The following NAALADL2 variants were observed in gnomAD, a reference collection of about 807,000 sequenced individuals.
The protein encoded by NAALADL2 is inactive N-acetylated-alpha-linked acidic dipeptidase-like protein 2.
In NAALADL2, 76 loss-of-function variants were observed where a neutral mutation model predicts 87.2. The observed-to-expected ratio is 0.87, with a 90% CI of 0.72 to 1.05. The LOEUF is 1.05. Among genes scored for constraint, NAALADL2 ranks in the 50% least tolerant of loss-of-function variants. The pLI is 0.00. For missense variants in NAALADL2, 1,089 were observed against 945.8 expected (o/e 1.15, Z -1.99); for synonymous variants, 354 against 331.0 (o/e 1.07, Z -0.75).
At chr3:175,575,669 T>G (rs778368315) in intron 9 of NAALADL2, among the ~76,000 whole-genome samples, 10 of 152,124 alleles carry the variant, frequency 6.6e-5, no homozygotes, top group Admixed American at 2.0e-4. Context: ...AAACCTTAAT[T>G]AAAAAAACAA....
At chr3:174,821,018 T>C (rs1410978460) in intron 3 of NAALADL2, among the ~76,000 whole-genome samples, 1 of 152,180 alleles carries the variant, frequency 6.6e-6, no homozygotes, top group Non-Finnish European at 1.5e-5. Flanking sequence ...CTTCCCCAGG[T>C]CAACATTCTC....
At chr3:175,108,746 A>G (rs919078852) in intron 2 of NAALADL2, among the ~76,000 whole-genome samples, 2 of 151,994 alleles carry the variant, frequency 1.3e-5, no homozygotes, top group Non-Finnish European at 2.9e-5. Context: ...GGCTTATCTG[A>G]AAGGTATATT....
At chr3:175,405,888 T>C (rs1215710518) in intron 5 of NAALADL2, among the ~76,000 whole-genome samples, 3 of 152,240 alleles carry the variant, frequency 2.0e-5, no homozygotes, top group African/African-American at 7.2e-5. Flanking sequence ...TTTCATTTTT[T>C]ATTCTTGATT....
chr3:174,964,386 A>G (rs1055950102), intron 1 of NAALADL2, among the ~76,000 whole-genome samples: 9 of 152,100 alleles, frequency 5.9e-5, no homozygotes, highest in African/African-American at 2.2e-4. Context: ...ACTAGAGCCT[A>G]TGGGAGAGAT....
chr3:175,384,415 A>G (rs1397748513), intron 5 of NAALADL2, among the ~76,000 whole-genome samples: 1 of 152,048 alleles, frequency 6.6e-6, no homozygotes, highest in Non-Finnish European at 1.5e-5. Context: ...CAATTTGGAA[A>G]GATGCTTTAT....
At chr3:174,535,572 T>A (rs1485137402) in intron 1 of NAALADL2, among the ~76,000 whole-genome samples, 1 of 152,180 alleles carries the variant, frequency 6.6e-6, no homozygotes, top group African/African-American at 2.4e-5. Flanking sequence ...AGGTGATTTA[T>A]TCCTGCCCCA....
At chr3:174,751,882 G>A (rs1017898678) in intron 3 of NAALADL2, among the ~76,000 whole-genome samples, 3 of 152,122 alleles carry the variant, frequency 2.0e-5, no homozygotes, top group Non-Finnish European at 4.4e-5. Context: ...GTGTGCGCGT[G>A]CGCAATTTTA....
chr3:175,205,848 G>T (rs1438148421), intron 2 of NAALADL2, among the ~76,000 whole-genome samples: 1 of 151,680 alleles, frequency 6.6e-6, no homozygotes, highest in Non-Finnish European at 1.5e-5. Context: ...ATGAAAAAAT[G>T]CCCAACATCA....
At chr3:175,085,612 C>T (rs1362376891) in intron 1 of NAALADL2, among the ~76,000 whole-genome samples, 1 of 151,970 alleles carries the variant, frequency 6.6e-6, no homozygotes, top group African/African-American at 2.4e-5. Context: ...ATTTTGGTTC[C>T]TAAGACATGT....
intron 11 of NAALADL2, among the ~76,000 whole-genome samples, chr3:175,667,338 T>C (rs1733331169): frequency 6.6e-6 from 1 of 152,124 alleles, no homozygotes; most frequent in Non-Finnish European, 1.5e-5. Flanking sequence ...AACCTCAAAA[T>C]TGACCTCAGC....
At position 175,062,856 on chromosome 3, in the gene NAALADL2, G is replaced by T. The variant is rs1419151162; in HGVS notation, c.44-33934G>T. ...CTCTTTTCAAGAGAAAGATGAAAGT[G>T]CTCATAGGCTGCAAGGGAAATCATA... On this transcript the variant is annotated intron_variant, in intron 1 of 13. Coordinates refer to ENST00000454872, the MANE Select transcript of NAALADL2 (RefSeq NM_207015.3). Among the ~76,000 whole-genome samples the T allele has an allele frequency of 5.3e-5, 8 of 152,180 alleles. No homozygotes were observed. The South Asian group carries it at 1.5e-3, about 28-fold the overall frequency.
At chr3:175,240,887 C>T (rs1746747020) in intron 3 of NAALADL2, among the ~76,000 whole-genome samples, 1 of 152,068 alleles carries the variant, frequency 6.6e-6, no homozygotes, top group African/African-American at 2.4e-5. Context: ...ACTGGAACTC[C>T]CGACCTCAGG....
chr3:174,798,788 A>T (rs955739661), intron 3 of NAALADL2, among the ~76,000 whole-genome samples: 1 of 152,012 alleles, frequency 6.6e-6, no homozygotes, highest in Non-Finnish European at 1.5e-5. Flanking sequence ...TACCTTGCTG[A>T]ATTCATTTAT....
chr3:174,584,243 C>T (rs982021003), intron 2 of NAALADL2, among the ~76,000 whole-genome samples: 1 of 152,110 alleles, frequency 6.6e-6, no homozygotes, highest in South Asian at 2.1e-4. Context: ...AGAAATTTTA[C>T]TTTATCCAGA....
chr3:175,192,420 T>C (rs1738349008), intron 2 of NAALADL2, among the ~76,000 whole-genome samples: 1 of 152,118 alleles, frequency 6.6e-6, no homozygotes, highest in Non-Finnish European at 1.5e-5. Flanking sequence ...AATCCGTTTG[T>C]CGTATTAGTT....
intron 2 of NAALADL2, among the ~76,000 whole-genome samples, chr3:174,560,233 T>C (rs1256964727): frequency 2.0e-5 from 3 of 152,174 alleles, no homozygotes; most frequent in Non-Finnish European, 4.4e-5. Flanking sequence ...AATGTTCACA[T>C]CCAAATATAA....
intron 11 of NAALADL2, among the ~76,000 whole-genome samples, chr3:175,728,443 T>A (rs918217662): frequency 2.6e-5 from 4 of 152,132 alleles, no homozygotes; most frequent in African/African-American, 7.2e-5. Flanking sequence ...CTTTGATCCC[T>A]CTCCTCTATG....
intron 3 of NAALADL2, among the ~76,000 whole-genome samples, chr3:174,824,037 T>C (rs1721715834): frequency 6.6e-6 from 1 of 152,218 alleles, no homozygotes; most frequent in African/African-American, 2.4e-5. Context: ...CCTATTATTC[T>C]TGGGAATTAA....
intron 3 of NAALADL2, chr3:175,235,880 G>C (rs543091780): frequency 1.3e-5 from 2 of 152,240 alleles, no homozygotes; most frequent in African/African-American, 4.8e-5. Context: ...ATGGCCCTCT[G>C]TAATAACCCG....
Sources: gnomAD v4.1 joint callset for allele counts (sites outside exome capture counted in the v4.1 genomes callset) on GRCh38, gnomAD v4.1.1 for gene constraint, MANE v1.5 for transcripts, NCBI Gene and HGNC (gene_info 2026-07-23, HGNC 2026-07-21) for gene names.